The following FGD6 variants were observed in gnomAD, a reference collection of about 807,000 sequenced individuals.
FGD6 encodes FYVE, RhoGEF and PH domain containing 6, also known as FYVE, RhoGEF and PH domain-containing protein 6.
A neutral mutation model predicts 149.4 loss-of-function variants in FGD6; 90 were observed. The ratio of observed to expected loss-of-function variants is 0.60; its 90% confidence interval spans 0.51 to 0.72. The LOEUF is 0.72. FGD6 is among the 30% of genes least tolerant of loss of function. The pLI, the probability that FGD6 is intolerant of heterozygous loss-of-function variation, is 0.00. For synonymous variants in FGD6, 527 were observed against 584.0 expected (o/e 0.90, Z 1.41); for missense variants, 1,437 against 1,684.8 (o/e 0.85, Z 2.57).
chr12:95,159,184 T>A (rs1422238483), intron 3 of FGD6, among the ~76,000 whole-genome samples: 4 of 152,198 alleles, frequency 2.6e-5, no homozygotes, highest in Non-Finnish European at 4.4e-5. Context: ...CTCCTTTTGT[T>A]AGGTCTCTAC....
chr12:95,134,448 T>C (rs1311863419), intron 8 of FGD6, among the ~76,000 whole-genome samples: 1 of 152,136 alleles, frequency 6.6e-6, no homozygotes, highest in Non-Finnish European at 1.5e-5. Flanking sequence ...GGTGAAATGA[T>C]GCACGGGTAT....
At chr12:95,184,775 G>A (rs1010034149) in intron 2 of FGD6, among the ~76,000 whole-genome samples, 6 of 152,184 alleles carry the variant, frequency 3.9e-5, no homozygotes, top group Middle Eastern at 3.4e-3. Context: ...TGGAGATGGG[G>A]TTTCGCCATG....
At chr12:95,146,008 G>A (rs2136266739) in intron 5 of FGD6, among the ~76,000 whole-genome samples, 1 of 152,214 alleles carries the variant, frequency 6.6e-6, no homozygotes, top group South Asian at 2.1e-4. Context: ...AATAAAGCCT[G>A]CCATACTGTG....
At chr12:95,087,197 T>C (rs1056806657) in intron 18 of FGD6, among the ~76,000 whole-genome samples, 6 of 152,094 alleles carry the variant, frequency 3.9e-5, no homozygotes, top group Non-Finnish European at 7.4e-5. Flanking sequence ...AATAACAAAA[T>C]GTTTAGGATC....
chr12:95,172,425 C>G (rs1881020559), intron 3 of FGD6, among the ~76,000 whole-genome samples, 175 bp downstream of exon 3: 1 of 152,144 alleles, frequency 6.6e-6, no homozygotes, highest in African/African-American at 2.4e-5. Flanking sequence ...GTGATACATA[C>G]TTGGTAACAT....
At chr12:95,151,263 C>T (rs1880301396) in intron 5 of FGD6, among the ~76,000 whole-genome samples, 1 of 151,802 alleles carries the variant, frequency 6.6e-6, no homozygotes, top group Non-Finnish European at 1.5e-5. Flanking sequence ...AGGAATCAGG[C>T]CCCTATTTTT....
Position 95,217,360 on chromosome 12 carries a change from G to A in FGD6, c.-120C>T. ...CCCCGCAGCGCCCACATTCCGTCCC[G>A]CCGCCCCGCGGCGCAGCCTGAGCGC... is the stretch of plus-strand genomic sequence containing the variant. On this transcript the variant is annotated 5_prime_UTR_variant, in exon 1 of 21. Transcript: ENST00000343958. The A allele has an allele frequency of 2.2e-6, 3 of 1,352,944 alleles. No individual in the cohort carries two copies. The highest frequency in any genetic ancestry group is 2.9e-6 in the Non-Finnish European group (3 of 1,026,260). The allele number at this position is 1,352,944 out of a possible 1,614,324, so 83.8% of individuals were successfully genotyped here.
chr12:95,128,071 A>G (rs1395456068), intron 8 of FGD6, among the ~76,000 whole-genome samples: 1 of 152,222 alleles, frequency 6.6e-6, no homozygotes, highest in African/African-American at 2.4e-5. Context: ...ATGGTAGAAG[A>G]TGAAAAAAGA....
At chr12:95,097,634 CAAA>C (rs34057454) in intron 14 of FGD6, among the ~76,000 whole-genome samples, 20 of 43,388 alleles carry the variant, frequency 4.6e-4, no homozygotes, top group Non-Finnish European at 6.4e-4. Flanking sequence ...GACTCTGTCT[CAAA>C]AAAAAAAAAA....
At chr12:95,197,986 C>G (rs1329064882) in intron 2 of FGD6, among the ~76,000 whole-genome samples, 1 of 152,184 alleles carries the variant, frequency 6.6e-6, no homozygotes, top group Admixed American at 6.5e-5. Flanking sequence ...CATGAAAAAT[C>G]TGGGGTCTCT....
At chr12:95,197,781 G>A (rs1481871390) in intron 2 of FGD6, among the ~76,000 whole-genome samples, 2 of 152,148 alleles carry the variant, frequency 1.3e-5, no homozygotes, top group Non-Finnish European at 2.9e-5. Context: ...GGAAATATGA[G>A]ACATGCATAA....
rs559044672 is a variant in FGD6 at position 95,201,102 on chromosome 12, A to T, written c.2441+7741T>A. Among the ~76,000 whole-genome samples the T allele has an allele frequency of 5.9e-5, 9 of 152,270 alleles. No individual in the cohort carries two copies. In the East Asian group the frequency reaches 1.5e-3, roughly 26 times the overall value. On this transcript the variant is annotated intron_variant, in intron 2 of 20. Transcript: ENST00000343958. Reference sequence around the variant, plus strand: ...TTCCAGGAATAGATAATGAATTTTTAAAAAATGTCTAGAAGAACATAAAAA... The same window carrying T: ...TTCCAGGAATAGATAATGAATTTTTTAAAAATGTCTAGAAGAACATAAAAA...
chr12:95,091,913 G>A (rs1878067576), intron 16 of FGD6, 104 bp from the exon 17 acceptor site: 1 of 830,784 alleles, frequency 1.2e-6, no homozygotes, highest in Admixed American at 2.7e-5. Flanking sequence ...TTTCAAAACA[G>A]TTTCAGAGTC....
At position 95,092,822 on chromosome 12, in the gene FGD6, T is replaced by G. The variant is rs1438511158; in HGVS notation, c.3624A>C (p.Glu1208Asp). The part of the protein sequence containing the change: ...LDEADSENKE[E>D]VSPLGSKAPI... Reference sequence around the variant, plus strand: ...GAGCCTTCGATCCAAGAGGACTAACTTCTTCTTTATTTTCTGAGTCTGCCT... The same window carrying G: ...GAGCCTTCGATCCAAGAGGACTAACGTCTTCTTTATTTTCTGAGTCTGCCT... The change falls in exon 16 of 21, where the codon GAA (glutamate) becomes GAC (aspartate). Residue 1208 changes from glutamate to aspartate, a missense_variant. Around this residue, in one of 2 missense-constraint regions of FGD6, gnomAD observed 382 missense variants for 538.7 expected, o/e 0.71. Coordinates refer to ENST00000343958, the MANE Select transcript of FGD6 (RefSeq NM_018351.4). 1 of 1,612,778 alleles carries G rather than the reference T, an allele frequency of 6.2e-7. No individual in the cohort carries two copies. Among genetic ancestry groups the G allele is most frequent in the South Asian group, 1.1e-5 (1 of 90,620 alleles).
chr12:95,142,117 G>C (rs1879865968), intron 5 of FGD6, among the ~76,000 whole-genome samples: 1 of 149,908 alleles, frequency 6.7e-6, no homozygotes, highest in South Asian at 2.1e-4. Flanking sequence ...ACAGGCGCGT[G>C]CCACCATGCC....
At chr12:95,123,588 GTCTC>G (rs375484855) in intron 8 of FGD6, among the ~76,000 whole-genome samples, 2 of 151,032 alleles carry the variant, frequency 1.3e-5, no homozygotes, top group East Asian at 3.9e-4. Flanking sequence ...TTGAGATGGG[GTCTC>G]TCTCTATCCC....
intron 3 of FGD6, among the ~76,000 whole-genome samples, chr12:95,164,825 T>C (rs146763310): frequency 8.5e-5 from 13 of 152,198 alleles, no homozygotes; most frequent in Admixed American, 7.2e-4. Flanking sequence ...CCAGACTGCC[T>C]GAGAAACATC....
intron 8 of FGD6, among the ~76,000 whole-genome samples, chr12:95,133,820 C>G (rs1879590393): frequency 6.6e-6 from 1 of 152,078 alleles, no homozygotes; most frequent in Non-Finnish European, 1.5e-5. Context: ...GATGCCAAAC[C>G]ACTTAATTTC....
intron 2 of FGD6, among the ~76,000 whole-genome samples, chr12:95,178,630 T>C (rs1881197174): frequency 6.6e-6 from 1 of 152,156 alleles, no homozygotes; most frequent in Admixed American, 6.6e-5. Flanking sequence ...CTTCGAGAGG[T>C]TGCTTGATTA....
Sources: gnomAD v4.1 joint callset for allele counts (sites outside exome capture counted in the v4.1 genomes callset) on GRCh38, gnomAD v4.1.1 for gene constraint, gnomAD v4.1.1 regional missense constraint, MANE v1.5 for transcripts, NCBI Gene and HGNC (gene_info 2026-07-23, HGNC 2026-07-21) for gene names.